DNASE2B: variants seen among roughly 807,000 people sequenced by gnomAD.
DNASE2B encodes the protein deoxyribonuclease 2 beta, also known as deoxyribonuclease-2-beta.
A neutral mutation model predicts 46.0 loss-of-function variants in DNASE2B; 43 were observed. That is an observed-to-expected ratio of 0.94 (90% CI 0.73 to 1.21). The LOEUF is 1.21. Ranked by LOEUF, DNASE2B falls within the 50% of genes most tolerant of loss-of-function variation. The probability of loss-of-function intolerance (pLI) is 0.00; values close to 1 mark genes in which losing one functional copy is unlikely to be tolerated. For missense variants in DNASE2B, 395 were observed against 414.4 expected (o/e 0.95, Z 0.41); for synonymous variants, 156 against 152.5 (o/e 1.02, Z -0.17).
At chr1:84,403,033 A>G (rs151300723) in intron 2 of DNASE2B, among the ~76,000 whole-genome samples, 2,083 of 152,330 alleles carry the variant, frequency 0.014, 45 homozygotes, top group African/African-American at 0.047. Context: ...TTTACCTGCC[A>G]TTAAGACTAG....
chr1:84,403,787 C>A (rs745832004), intron 2 of DNASE2B, among the ~76,000 whole-genome samples: 2 of 151,750 alleles, frequency 1.3e-5, no homozygotes, highest in African/African-American at 2.4e-5. Context: ...TAAAAGCAAT[C>A]TTTATATTTT....
chr1:84,407,185 T>G (rs1262039403), intron 2 of DNASE2B, among the ~76,000 whole-genome samples: 2 of 152,138 alleles, frequency 1.3e-5, no homozygotes, highest in Non-Finnish European at 2.9e-5. Flanking sequence ...GCAGTTACAC[T>G]CAGTTAGAAC....
intron 2 of DNASE2B, 143 bp downstream of exon 2, chr1:84,402,221 C>G: frequency 8.4e-6 from 6 of 717,956 alleles, no homozygotes; most frequent in Non-Finnish European, 1.3e-5. Context: ...CAGCTCAAGA[C>G]AACTATCTGA....
rs751131168 is a variant in DNASE2B, at chr1:84,412,554, A to G, written c.745+8A>G. 3.1e-6 allele frequency: 5 copies of G among 1,599,222 alleles called. No individual in the cohort carries two copies. The highest frequency in any genetic ancestry group is 4.3e-6 in the Non-Finnish European group (5 of 1,170,348). On this transcript the variant is annotated splice_region_variant and intron_variant, in intron 5 of 5. Coordinates refer to ENST00000370665, the MANE Select transcript of DNASE2B (RefSeq NM_021233.3). ...CGGATTCTTTTCTTGACGGTATGAA[A>G]GACCATCATCAAACAACATGCTGTA...
rs199729041 is a variant in DNASE2B, at chr1:84,410,877, T to G, written c.425T>G (p.Ile142Ser). The change falls in exon 4 of 6, where the codon ATT becomes AGT. Residue 142 changes from isoleucine (I) to serine (S), a missense_variant. Coordinates refer to ENST00000370665, the MANE Select transcript of DNASE2B (RefSeq NM_021233.3). ...AACAGAGTTCAAGGGTTCTGGCTGA[T>G]TCATTCCATCCCTCAGTTTCCTCCA... ...LWNRVQGFWL[I>S]HSIPQFPPIP... 106 of 1,613,588 alleles carry G rather than the reference T, an allele frequency of 6.6e-5. No individual in the cohort carries two copies. The highest frequency in any genetic ancestry group is 8.9e-5 in the Non-Finnish European group (105 of 1,179,784).
chr1:84,408,778 G>A (rs999474154), intron 3 of DNASE2B, among the ~76,000 whole-genome samples: 1 of 150,548 alleles, frequency 6.6e-6, no homozygotes, highest in Non-Finnish European at 1.5e-5. Context: ...CAGGAATCCA[G>A]GTACTGATAC....
rs767081210 is a variant in DNASE2B, at chr1:84,414,633, A to G, written c.851A>G (p.His284Arg). The change falls in exon 6 of 6, where the codon CAT (histidine) becomes CGT (arginine). Residue 284 changes from histidine to arginine, a missense_variant. Transcript: ENST00000370665. ...ELPSNCSLPY[H>R]VYNIKAIKLS... ...CCTTCAAACTGCTCCCTTCCTTACC[A>G]TGTCTACAATATAAAAGCAATTAAA... is the stretch of plus-strand genomic sequence containing the variant. 34 of 1,614,156 alleles carry G rather than the reference A, an allele frequency of 2.1e-5. No individual in the cohort carries two copies. Among genetic ancestry groups the G allele is most frequent in the Non-Finnish European group, 2.8e-5 (33 of 1,180,028 alleles).
In DNASE2B at chr1:84,411,425, GGTGTGT is replaced by G. The variant is rs71097845; in HGVS notation, c.547+479_547+484del. 3.5e-3 allele frequency among the ~76,000 whole-genome samples: 492 copies of G among 139,300 alleles called. 6 individuals are homozygous for G. Among genetic ancestry groups the G allele is most frequent in the East Asian group, 0.012 (58 of 4,668 alleles). 91.4% of individuals were successfully genotyped at this position (139,300 alleles called of 152,430 possible). A position where few individuals can be genotyped will look rare whatever the true frequency, so the allele number is the denominator to read the frequency against. On this transcript the variant is annotated intron_variant, in intron 4 of 5. Coordinates refer to ENST00000370665, the MANE Select transcript of DNASE2B (RefSeq NM_021233.3). ...TTCTCATGAAGTACCAGAAACCTAG[GGTGTGT>G]GTGTGTGTGTGTGTGTGTGTGTGTG... is the stretch of plus-strand genomic sequence containing the variant.
rs1488932748 is a variant in DNASE2B at position 84,414,555 on chromosome 1, G to C, written c.773G>C (p.Arg258Pro). The change falls in exon 6 of 6, where the codon CGG becomes CCG. Residue 258 changes from arginine to proline, a missense_variant. Transcript: ENST00000370665. Reference protein sequence around the residue: ...DDIFAAWMAQRLKTHLLTETW... With the variant: ...DDIFAAWMAQPLKTHLLTETW... ...ATCTTTGCAGCCTGGATGGCTCAAC[G>C]GCTGAAGACACACTTGTTAACAGAA... The C allele has an allele frequency of 6.2e-7, 1 of 1,612,548 alleles. No individual in the cohort carries two copies. Among genetic ancestry groups the C allele is most frequent in the Admixed American group, 1.7e-5 (1 of 59,832 alleles).
chr1:84,410,163 T>C (rs1680563733), intron 3 of DNASE2B, among the ~76,000 whole-genome samples: 1 of 152,208 alleles, frequency 6.6e-6, no homozygotes, highest in Non-Finnish European at 1.5e-5. Context: ...CAGATGTCTG[T>C]TTTACAAAGT....
At chr1:84,407,522 A>C (rs1680511776) in intron 2 of DNASE2B, among the ~76,000 whole-genome samples, 1 of 152,166 alleles carries the variant, frequency 6.6e-6, no homozygotes, top group Non-Finnish European at 1.5e-5. Flanking sequence ...AGGCTTCTTC[A>C]TTGAATTTGT....
At chr1:84,403,950 C>T (rs561295361) in intron 2 of DNASE2B, among the ~76,000 whole-genome samples, 70 of 101,238 alleles carry the variant, frequency 6.9e-4, no homozygotes, top group Middle Eastern at 6.3e-3. Context: ...CCATGCCTGG[C>T]TAATTTTTTT....
At chr1:84,398,716 T>A in intron 1 of DNASE2B, 27 bp downstream of exon 1, 5 of 1,612,582 alleles carry the variant, frequency 3.1e-6, no homozygotes, top group Non-Finnish European at 4.2e-6. Flanking sequence ...GAAGGACTGC[T>A]GCATGCAAAC....
chr1:84,406,810 C>A (rs145552554), intron 2 of DNASE2B, among the ~76,000 whole-genome samples: 30 of 152,278 alleles, frequency 2.0e-4, no homozygotes, highest in African/African-American at 7.0e-4. Flanking sequence ...GAGTGAAATG[C>A]AAGATTAGAC....
At chr1:84,403,199 G>A (rs932791353) in intron 2 of DNASE2B, among the ~76,000 whole-genome samples, 9 of 152,198 alleles carry the variant, frequency 5.9e-5, no homozygotes, top group African/African-American at 1.7e-4. Context: ...CCATGCTGGG[G>A]TAGGGGTGCC....
intron 5 of DNASE2B, among the ~76,000 whole-genome samples, chr1:84,413,311 G>C (rs1680635229): frequency 6.6e-6 from 1 of 152,050 alleles, no homozygotes; most frequent in Non-Finnish European, 1.5e-5. Flanking sequence ...TCTCTCCCCA[G>C]TCACCAATGG....
At chr1:84,411,459 T>TCA (rs1439711732) in intron 4 of DNASE2B, among the ~76,000 whole-genome samples, 26 of 108,272 alleles carry the variant, frequency 2.4e-4, no homozygotes, top group Non-Finnish European at 3.6e-4. Context: ...TGTGTGTGTG[T>TCA]GTGTGTGTGT....
intron 2 of DNASE2B, among the ~76,000 whole-genome samples, chr1:84,406,617 A>G (rs911988118): frequency 1.9e-4 from 29 of 152,264 alleles, no homozygotes; most frequent in Non-Finnish European, 1.2e-4. Context: ...TTCTGGGGGG[A>G]AAATGACAGG....
At chr1:84,400,523 G>C (rs1165490060) in intron 1 of DNASE2B, among the ~76,000 whole-genome samples, 2 of 152,184 alleles carry the variant, frequency 1.3e-5, no homozygotes, top group Non-Finnish European at 2.9e-5. Context: ...GGAGTTGGGG[G>C]TTAATGGGAC....
Sources: allele counts gnomAD v4.1 joint callset (sites outside exome capture counted in the v4.1 genomes callset), GRCh38; gene constraint gnomAD v4.1.1; transcripts MANE v1.5; gene names NCBI Gene and HGNC (gene_info 2026-07-23, HGNC 2026-07-21).